NAV3: variants seen among roughly 807,000 people sequenced by gnomAD.
NAV3 encodes pore membrane and/or filament interacting like protein 1.
NAV3 carries 87 observed loss-of-function variants against 244.7 expected under a neutral mutation model. The ratio of observed to expected loss-of-function variants is 0.36; its 90% CI spans 0.30 to 0.42. NAV3 has a LOEUF of 0.42. NAV3 is among the 20% of genes least tolerant of loss of function. The pLI, the probability that NAV3 is intolerant of heterozygous loss-of-function variation, is 1.00. For missense variants in NAV3, 2,663 were observed against 2,893.3 expected, an observed-to-expected ratio of 0.92 and a Z score of 1.83; for synonymous variants, 1,126 against 1,042.2, an observed-to-expected ratio of 1.08 and a Z score of -1.55.
chr12:78,055,226 ACATATGTGTATATATACATATATATGC>A, intron 11 of NAV3, among the ~76,000 whole-genome samples: 1 of 596 alleles, frequency 1.7e-3, no homozygotes, highest in African/African-American at 2.6e-3. Context: ...TAATATGCAC[ACATATGTGTATATATACATATATATGC>A]ACACATATGT....
At chr12:78,087,395 G>A (rs534890801) in intron 12 of NAV3, among the ~76,000 whole-genome samples, 2 of 152,036 alleles carry the variant, frequency 1.3e-5, no homozygotes, top group Non-Finnish European at 2.9e-5. Flanking sequence ...GTATAGCACA[G>A]AGGAGTAGGG....
chr12:77,799,282 C>T (rs1005939367), intron 2 of NAV3, among the ~76,000 whole-genome samples: 3 of 152,166 alleles, frequency 2.0e-5, no homozygotes, highest in Non-Finnish European at 4.4e-5. Flanking sequence ...TTGTAATCAT[C>T]TACCACAAAT....
intron 2 of NAV3, among the ~76,000 whole-genome samples, chr12:77,821,054 A>C (rs1872721941): frequency 6.7e-6 from 1 of 149,750 alleles, no homozygotes. Flanking sequence ...GTCTCTGCCC[A>C]TCACACACAC....
At chr12:77,648,445 A>G (rs1182115466) in intron 2 of NAV3, among the ~76,000 whole-genome samples, 1 of 152,122 alleles carries the variant, frequency 6.6e-6, no homozygotes, top group African/African-American at 2.4e-5. Context: ...TAATAGCAGT[A>G]TTTATATCTC....
rs565015495 is a variant in NAV3, at chr12:78,054,892, T to G, written c.2516+3745T>G. Among the ~76,000 whole-genome samples the G allele has an allele frequency of 4.8e-4, 73 of 152,130 alleles. 2 individuals carry two copies. In the South Asian group the frequency reaches 0.015, roughly 31 times the overall value. On this transcript the variant is annotated intron_variant, in intron 11 of 39. Coordinates refer to ENST00000397909, the MANE Select transcript of NAV3 (RefSeq NM_001024383.2). The stretch of plus-strand genomic sequence containing the variant: ...GTTAGAGATGTAGAGCTGGAGACGG[T>G]GAGATATGAAGATTGTTTGTCCAGG...
chr12:77,945,147 A>G lies in NAV3; in HGVS notation c.414+4014A>G, dbSNP rs115146180. On this transcript the variant is annotated intron_variant, in intron 3 of 39. Coordinates refer to ENST00000397909, the MANE Select transcript of NAV3 (RefSeq NM_001024383.2). The stretch of plus-strand genomic sequence containing the variant: ...AAAAAAAAAAAATAAATAGCTTGAG[A>G]AGAAGACAGAGTTGAGGGGAGTTTT... Among the ~76,000 whole-genome samples the G allele has an allele frequency of 8.2e-3, 1,241 of 151,820 alleles. 19 individuals are homozygous for G. The highest frequency in any genetic ancestry group is 0.029 in the African/African-American group (1,185 of 41,392).
intron 3 of NAV3, among the ~76,000 whole-genome samples, chr12:77,954,298 T>C (rs1019827224): frequency 6.6e-6 from 1 of 152,212 alleles, no homozygotes; most frequent in Non-Finnish European, 1.5e-5. Flanking sequence ...TACCTGGCAC[T>C]ATTTCCTAGC....
intron 22 of NAV3, among the ~76,000 whole-genome samples, chr12:78,156,759 T>A (rs949292525): frequency 6.6e-6 from 1 of 152,150 alleles, no homozygotes; most frequent in African/African-American, 2.4e-5. Context: ...TAGGTTTTAG[T>A]AACCAATTTT....
At chr12:78,205,259 C>A (rs777330420) in intron 39 of NAV3, 121 bp downstream of exon 39, 2 of 1,070,590 alleles carry the variant, frequency 1.9e-6, no homozygotes, top group Non-Finnish European at 2.6e-6. Context: ...CAGTTTTAAC[C>A]CTATTATCTT....
intron 3 of NAV3, among the ~76,000 whole-genome samples, chr12:77,963,533 T>C (rs1203847476): frequency 6.6e-6 from 1 of 152,144 alleles, no homozygotes; most frequent in Non-Finnish European, 1.5e-5. Flanking sequence ...TGCTGATACA[T>C]TGTGAGAAAA....
chr12:78,002,376 T>A (rs1174989112), intron 7 of NAV3, among the ~76,000 whole-genome samples: 1 of 152,200 alleles, frequency 6.6e-6, no homozygotes, highest in Non-Finnish European at 1.5e-5. Context: ...TGAACAGGGC[T>A]TCCTTCTCTT....
chr12:77,769,932 TA>T (rs772981160), intron 2 of NAV3, among the ~76,000 whole-genome samples: 18 of 152,354 alleles, frequency 1.2e-4, no homozygotes, highest in South Asian at 1.0e-3. Context: ...GTAACTAGGA[TA>T]TTTTTTTTCT....
intron 1 of NAV3, among the ~76,000 whole-genome samples, chr12:77,895,297 G>A (rs907058603): frequency 1.5e-5 from 2 of 136,878 alleles, no homozygotes; most frequent in African/African-American, 5.5e-5. Context: ...TTTTAAAATA[G>A]GTTTAGAATG....
At chr12:77,653,082 G>T (rs1403665717) in intron 2 of NAV3, among the ~76,000 whole-genome samples, 1 of 152,308 alleles carries the variant, frequency 6.6e-6, no homozygotes, top group Non-Finnish European at 1.5e-5. Context: ...TGTAAAACGG[G>T]TCAGAGCCTT....
intron 2 of NAV3, among the ~76,000 whole-genome samples, chr12:77,816,998 G>A (rs967098143): frequency 6.6e-6 from 1 of 152,104 alleles, no homozygotes. Flanking sequence ...GTGGCTGCAC[G>A]GCTGGTATTT....
intron 12 of NAV3, among the ~76,000 whole-genome samples, chr12:78,069,350 G>T (rs1952636436): frequency 1.3e-5 from 2 of 151,934 alleles, no homozygotes; most frequent in African/African-American, 4.8e-5. Flanking sequence ...AATTCACAGA[G>T]TATACAAAAG....
intron 2 of NAV3, among the ~76,000 whole-genome samples, chr12:77,705,732 G>A (rs140561072): frequency 2.6e-5 from 4 of 151,394 alleles, no homozygotes; most frequent in South Asian, 2.1e-4. Flanking sequence ...GCTTTCTAAC[G>A]GCTGGTAATT....
chr12:77,996,834 G>A (rs1215909471), intron 6 of NAV3, among the ~76,000 whole-genome samples: 11 of 152,050 alleles, frequency 7.2e-5, no homozygotes, highest in Admixed American at 7.2e-4. Context: ...TTGAATTCTT[G>A]TTTTCCTTTC....
intron 9 of NAV3, among the ~76,000 whole-genome samples, chr12:78,031,749 G>T (rs1272601312): frequency 9.4e-6 from 1 of 105,860 alleles, no homozygotes. Flanking sequence ...GTGGGGGGAG[G>T]GGGGAGGGAT....
Sources: gnomAD v4.1 joint callset for allele counts (sites outside exome capture counted in the v4.1 genomes callset) on GRCh38, gnomAD v4.1.1 for gene constraint, MANE v1.5 for transcripts, NCBI Gene and HGNC (gene_info 2026-07-23, HGNC 2026-07-21) for gene names.